The following COL22A1 variants were observed in gnomAD, a reference collection of about 807,000 sequenced individuals.
The protein encoded by COL22A1 is collagen alpha-1(XXII) chain.
In COL22A1, 221 loss-of-function variants were observed where a neutral mutation model predicts 248.9. The ratio of observed to expected loss-of-function variants is 0.89; its 90% CI spans 0.80 to 0.99. The LOEUF (loss-of-function observed/expected upper bound fraction) is 0.99. Ranked by LOEUF, COL22A1 falls within the 50% of genes least tolerant of loss-of-function variation. The pLI, the probability that COL22A1 is intolerant of heterozygous loss-of-function variation, is 0.00. For synonymous variants in COL22A1, 891 were observed against 793.4 expected, an observed-to-expected ratio of 1.12 and a Z score of -2.07; for missense variants, 2,240 against 2,179.0, an observed-to-expected ratio of 1.03 and a Z score of -0.56.
In COL22A1 at chr8:138,816,881, C is replaced by T. The variant is rs543220405; in HGVS notation, c.1246-3862G>A. Among the ~76,000 whole-genome samples the T allele has an allele frequency of 2.0e-5, 3 of 152,284 alleles. No individual in the cohort carries two copies. In the South Asian group the frequency reaches 6.2e-4, roughly 32 times the overall value. ...GATACTTGGTTTTAACATAAAAATG[C>T]AACATGGAACAGTCAATGGGTGTAA... On this transcript the variant is annotated intron_variant, in intron 7 of 64. Transcript: ENST00000303045.
chr8:138,789,349 C>T (rs564372732), intron 12 of COL22A1, among the ~76,000 whole-genome samples: 1 of 152,244 alleles, frequency 6.6e-6, no homozygotes, highest in Admixed American at 6.5e-5. Flanking sequence ...CTTTAATTAT[C>T]GTAAAAATAG....
chr8:138,834,921 G>A (rs1277623325), intron 4 of COL22A1, among the ~76,000 whole-genome samples: 1 of 152,150 alleles, frequency 6.6e-6, no homozygotes, highest in African/African-American at 2.4e-5. Context: ...AGGAGAACTG[G>A]AACTTGTGGG....
intron 16 of COL22A1, among the ~76,000 whole-genome samples, chr8:138,767,420 G>A (rs1344069417): frequency 2.6e-5 from 4 of 152,100 alleles, no homozygotes; most frequent in Admixed American, 2.0e-4. Flanking sequence ...GTTGACGGCC[G>A]GCTGCCACCT....
intron 50 of COL22A1, among the ~76,000 whole-genome samples, chr8:138,626,643 A>G (rs1326683916): frequency 6.6e-6 from 1 of 152,130 alleles, no homozygotes; most frequent in African/African-American, 2.4e-5. Flanking sequence ...ATACCTCAGG[A>G]CCTTGAGGTG....
intron 4 of COL22A1, among the ~76,000 whole-genome samples, chr8:138,837,708 G>T (rs1447956141): frequency 1.3e-5 from 2 of 152,196 alleles, no homozygotes; most frequent in African/African-American, 4.8e-5. Flanking sequence ...TGGTGCCTCT[G>T]AATGGGGGAG....
At chr8:138,726,177 G>C (rs150265347) in intron 23 of COL22A1, among the ~76,000 whole-genome samples, 1 of 152,106 alleles carries the variant, frequency 6.6e-6, no homozygotes, top group East Asian at 1.9e-4. Context: ...GGGGAGGGGA[G>C]AAACATGTAG....
intron 23 of COL22A1, among the ~76,000 whole-genome samples, chr8:138,727,533 G>T (rs1437049866): frequency 1.3e-5 from 2 of 152,204 alleles, no homozygotes; most frequent in Non-Finnish European, 2.9e-5. Flanking sequence ...TTTGCATTCA[G>T]AAAGAACAAC....
At chr8:138,716,372 GCTCTC>G in intron 28 of COL22A1, 83 bp from the exon 29 acceptor site, 13 of 922,174 alleles carry the variant, frequency 1.4e-5, no homozygotes, top group Admixed American at 2.5e-5. Flanking sequence ...CTCAGTTCCT[GCTCTC>G]CAGGAACTGG....
intron 12 of COL22A1, among the ~76,000 whole-genome samples, chr8:138,790,347 C>T (rs1047169439): frequency 1.3e-5 from 2 of 152,160 alleles, no homozygotes; most frequent in Non-Finnish European, 2.9e-5. Flanking sequence ...TCCCAAGAGC[C>T]CCACCTCCCA....
intron 4 of COL22A1, among the ~76,000 whole-genome samples, chr8:138,839,533 A>G (rs190556303): frequency 6.6e-6 from 1 of 152,270 alleles, no homozygotes; most frequent in East Asian, 1.9e-4. Context: ...CACACTGGGC[A>G]TTTGCAATGT....
intron 27 of COL22A1, among the ~76,000 whole-genome samples, chr8:138,720,490 T>C (rs1829788863): frequency 6.6e-6 from 1 of 152,010 alleles, no homozygotes; most frequent in South Asian, 2.1e-4. Flanking sequence ...CAGATCTTGG[T>C]TCCGAGGAAC....
chr8:138,766,583 TAGAC>T (rs1208409330), intron 16 of COL22A1, among the ~76,000 whole-genome samples: 1 of 150,202 alleles, frequency 6.7e-6, no homozygotes, highest in African/African-American at 2.5e-5. Flanking sequence ...AGAAGACAGA[TAGAC>T]AGGAGAGAGA....
intron 13 of COL22A1, among the ~76,000 whole-genome samples, chr8:138,780,703 C>T (rs1383428209): frequency 2.6e-5 from 4 of 152,174 alleles, no homozygotes; most frequent in Non-Finnish European, 4.4e-5. Flanking sequence ...AATGAAAAAT[C>T]ATTTCCAAGG....
chr8:138,625,956 G>A (rs887228536), intron 51 of COL22A1, among the ~76,000 whole-genome samples: 1 of 151,994 alleles, frequency 6.6e-6, no homozygotes, highest in African/African-American at 2.4e-5. Flanking sequence ...AAACAAATAA[G>A]AAACAACCAA....
chr8:138,742,751 G>T lies in COL22A1; in HGVS notation c.2086-5174C>A, dbSNP rs1359740376. On this transcript the variant is annotated intron_variant, in intron 22 of 64. Coordinates refer to ENST00000303045, the MANE Select transcript of COL22A1 (RefSeq NM_152888.3). ...GATGGTAGTAGTGATTGTGATGGTG[G>T]AGTTGATGGTGATGGTGGTAGTGAT... Among the ~76,000 whole-genome samples, 3 of 150,818 alleles carry T rather than the reference G, an allele frequency of 2.0e-5. No homozygotes were observed. In the East Asian group the frequency reaches 6.1e-4, roughly 31 times the overall value.
chr8:138,776,762 T>C (rs1210800402), intron 15 of COL22A1, among the ~76,000 whole-genome samples: 7 of 152,166 alleles, frequency 4.6e-5, no homozygotes, highest in African/African-American at 1.7e-4. Context: ...TCCTTCAATA[T>C]GGTATCCCCA....
At chr8:138,807,951 G>A in intron 9 of COL22A1, 139 bp from the exon 10 acceptor site, 1 of 773,310 alleles carries the variant, frequency 1.3e-6, no homozygotes. Context: ...GTTGGGCAAG[G>A]AAATTGGTTG....
intron 1 of COL22A1, among the ~76,000 whole-genome samples, chr8:138,890,102 A>G (rs1824946053): frequency 6.6e-6 from 1 of 152,220 alleles, no homozygotes; most frequent in Non-Finnish European, 1.5e-5. Context: ...TCAATGTAAC[A>G]TACCACATAA....
Position 138,693,288 on chromosome 8 carries a change from T to C in COL22A1, c.2754+358A>G, listed in dbSNP as rs193282525. ...TGTGCACCTGTGCATGCATGTATTA[T>C]AGGATGTGTGTTCTCTGGTTTGTAG... On this transcript the variant is annotated intron_variant, in intron 35 of 64. Transcript: ENST00000303045. Among the ~76,000 whole-genome samples the C allele has an allele frequency of 2.0e-5, 3 of 152,290 alleles. No homozygotes were observed. In the East Asian group the frequency reaches 5.8e-4, roughly 29 times the overall value.
Sources: allele counts gnomAD v4.1 joint callset (sites outside exome capture counted in the v4.1 genomes callset), GRCh38; gene constraint gnomAD v4.1.1; transcripts MANE v1.5; gene names NCBI Gene and HGNC (gene_info 2026-07-23, HGNC 2026-07-21).